ERICH1: variants seen among roughly 807,000 people sequenced by gnomAD.
The protein encoded by ERICH1 is glutamate-rich protein 1.
In ERICH1, 56 loss-of-function variants were observed where a neutral mutation model predicts 39.6. The observed-to-expected ratio is 1.41, with a 90% CI of 1.14 to 1.77. ERICH1 has a LOEUF of 1.77. Ranked by LOEUF, ERICH1 falls within the 40% of genes most tolerant of loss-of-function variation. The probability of loss-of-function intolerance (pLI) is 0.00; values close to 1 mark genes in which losing one functional copy is unlikely to be tolerated. For missense variants in ERICH1, 826 were observed against 575.4 expected (o/e 1.44, Z -4.45); for synonymous variants, 313 against 223.6 (o/e 1.40, Z -3.57).
At chr8:722,866 T>C (rs943087512) in intron 1 of ERICH1, among the ~76,000 whole-genome samples, 3 of 152,224 alleles carry the variant, frequency 2.0e-5, no homozygotes, top group Non-Finnish European at 2.9e-5. Context: ...TAGGACCACA[T>C]GCTTACAGGA....
intron 3 of ERICH1, among the ~76,000 whole-genome samples, chr8:655,834 C>G (rs1800592713): frequency 6.6e-6 from 1 of 152,112 alleles, no homozygotes; most frequent in Non-Finnish European, 1.5e-5. Flanking sequence ...ATTTTTAACT[C>G]ACGACCACGT....
intron 3 of ERICH1, among the ~76,000 whole-genome samples, chr8:692,191 A>T (rs1585353533): frequency 6.6e-6 from 1 of 152,244 alleles, no homozygotes; most frequent in Non-Finnish European, 1.5e-5. Context: ...ATATGTATTT[A>T]GTTCCAGGGT....
chr8:723,450 A>G (rs1395664999), intron 1 of ERICH1, among the ~76,000 whole-genome samples: 3 of 152,228 alleles, frequency 2.0e-5, no homozygotes, highest in Non-Finnish European at 4.4e-5. Context: ...TCATTAGTAG[A>G]AATTTCCACC....
chr8:660,935 G>C (rs1481227371), downstream of ERICH1, among the ~76,000 whole-genome samples: 4 of 152,150 alleles, frequency 2.6e-5, no homozygotes, highest in African/African-American at 7.2e-5. Flanking sequence ...GCGGTTCTCA[G>C]GCTAGCTCCG....
chr8:629,797 T>A (rs1237126115), intron 3 of ERICH1, among the ~76,000 whole-genome samples: 9 of 127,740 alleles, frequency 7.0e-5, no homozygotes, highest in South Asian at 2.4e-4. Flanking sequence ...CAGAGCTGAC[T>A]CACACCCTCC....
chr8:701,717 A>G (rs1812193553), intron 2 of ERICH1, among the ~76,000 whole-genome samples: 1 of 151,418 alleles, frequency 6.6e-6, no homozygotes, highest in African/African-American at 2.4e-5. Context: ...GATTTCTTAA[A>G]CAAAACACAA....
intron 3 of ERICH1, among the ~76,000 whole-genome samples, chr8:650,119 C>G (rs1235792490): frequency 6.6e-6 from 1 of 152,234 alleles, no homozygotes; most frequent in African/African-American, 2.4e-5. Context: ...AGCGCTCGCT[C>G]CATGCCGGGA....
intron 3 of ERICH1, among the ~76,000 whole-genome samples, chr8:620,812 T>C: frequency 6.6e-6 from 1 of 152,098 alleles, no homozygotes; most frequent in African/African-American, 2.4e-5. Context: ...AAGGGAGAAG[T>C]AGACAATTTA....
intron 3 of ERICH1, among the ~76,000 whole-genome samples, chr8:617,864 G>A (rs879185124): frequency 2.1e-5 from 3 of 143,994 alleles, no homozygotes; most frequent in South Asian, 2.2e-4. Context: ...AGTACTGAGT[G>A]CTCCATCTGT....
At chr8:715,088 G>A (rs571862426) in intron 2 of ERICH1, among the ~76,000 whole-genome samples, 2 of 151,294 alleles carry the variant, frequency 1.3e-5, no homozygotes, top group Non-Finnish European at 1.5e-5. Context: ...CTATTCCCGT[G>A]TCTCTCAGTG....
intron 3 of ERICH1, among the ~76,000 whole-genome samples, chr8:637,917 T>G (rs982125478): frequency 4.6e-5 from 7 of 152,258 alleles, no homozygotes; most frequent in African/African-American, 1.4e-4. Flanking sequence ...CCGAACAAAA[T>G]GCAGGGGCCA....
At chr8:720,292 G>T (rs912606632) in intron 1 of ERICH1, among the ~76,000 whole-genome samples, 1 of 152,168 alleles carries the variant, frequency 6.6e-6, no homozygotes, top group Non-Finnish European at 1.5e-5. Flanking sequence ...CCCCACGCCA[G>T]CGTCACCCAC....
At chr8:668,238 C>A (rs1563210870) in intron 5 of ERICH1, 2 of 318,640 alleles carry the variant, frequency 6.3e-6, no homozygotes, top group Non-Finnish European at 1.2e-5. Context: ...CAATAAGGTA[C>A]CAGAGAGTTG....
At chr8:730,970 C>A (rs1819848762) in intron 1 of ERICH1, among the ~76,000 whole-genome samples, 170 bp downstream of exon 1, 2 of 151,910 alleles carry the variant, frequency 1.3e-5, no homozygotes, top group South Asian at 4.1e-4. Context: ...GGGCCGCGGT[C>A]CGGGGTAAGA....
chr8:646,846 C>T lies in ERICH1; in HGVS notation c.976+21752G>A, dbSNP rs867890628. ...CCTGCTGGTGCCTCTGGTGAGCGTC[C>T]AGTGAACCAGGTGCCCTAGGGGTGC... is the stretch of plus-strand genomic sequence containing the variant. On this transcript the variant is annotated intron_variant, in intron 3 of 3. Coordinates refer to the ERICH1 transcript ENST00000522706. 3.6e-4 allele frequency among the ~76,000 whole-genome samples: 25 copies of T among 69,498 alleles called. 7 individuals are homozygous for T. Among genetic ancestry groups the T allele is most frequent in the African/African-American group, 9.0e-4 (25 of 27,688 alleles). The allele number at this position is 69,498 out of a possible 152,430, so 45.6% of individuals were successfully genotyped here. A position where few individuals can be genotyped will look rare whatever the true frequency, so the allele number is the denominator to read the frequency against.
At chr8:710,245 G>A (rs550503864) in intron 2 of ERICH1, among the ~76,000 whole-genome samples, 12 of 152,246 alleles carry the variant, frequency 7.9e-5, no homozygotes, top group African/African-American at 2.4e-4. Context: ...CAGTTTCACC[G>A]TCGTGCAAAT....
intron 3 of ERICH1, among the ~76,000 whole-genome samples, chr8:635,539 G>A (rs1006169698): frequency 6.6e-6 from 1 of 152,198 alleles, no homozygotes; most frequent in African/African-American, 2.4e-5. Flanking sequence ...CCAGATCACA[G>A]CCCGCAGGCG....
intron 3 of ERICH1, among the ~76,000 whole-genome samples, chr8:689,553 G>A (rs759256306): frequency 6.6e-6 from 1 of 152,242 alleles, no homozygotes; most frequent in East Asian, 1.9e-4. Context: ...TCTGGCAGGA[G>A]CAGGAAGGTG....
intron 1 of ERICH1, among the ~76,000 whole-genome samples, chr8:724,928 T>C (rs373784951): frequency 6.6e-6 from 1 of 152,086 alleles, no homozygotes; most frequent in African/African-American, 2.4e-5. Flanking sequence ...GGCTGCCCCA[T>C]TGTGGCCTCC....
Sources: allele counts gnomAD v4.1 joint callset (sites outside exome capture counted in the v4.1 genomes callset), GRCh38; gene constraint gnomAD v4.1.1; transcripts MANE v1.5; gene names NCBI Gene and HGNC (gene_info 2026-07-23, HGNC 2026-07-21).